The following TTC29 variants were observed in gnomAD, a reference collection of about 807,000 sequenced individuals.
TTC29 encodes the protein tetratricopeptide repeat protein 29.
TTC29 carries 49 observed loss-of-function variants against 58.1 expected under a neutral mutation model. The ratio of observed to expected loss-of-function variants is 0.84; its 90% confidence interval spans 0.67 to 1.07. TTC29 has a LOEUF of 1.07. TTC29 is among the 50% of genes least tolerant of loss of function. The pLI, the probability that TTC29 is intolerant of heterozygous loss-of-function variation, is 0.00. For missense variants in TTC29, 582 were observed against 555.6 expected, an observed-to-expected ratio of 1.05 and a Z score of -0.48; for synonymous variants, 209 against 196.8, an observed-to-expected ratio of 1.06 and a Z score of -0.52.
intron 11 of TTC29, among the ~76,000 whole-genome samples, chr4:146,799,210 A>T (rs1750039231): frequency 6.6e-6 from 1 of 152,170 alleles, no homozygotes; most frequent in Admixed American, 6.5e-5. Flanking sequence ...TTATGAAAAC[A>T]TTATTAAAGA....
intron 9 of TTC29, among the ~76,000 whole-genome samples, chr4:146,828,273 A>G (rs1029389965): frequency 2.6e-5 from 4 of 152,140 alleles, no homozygotes; most frequent in Admixed American, 2.0e-4. Flanking sequence ...TGTGAAACTA[A>G]AAGTTATTGA....
At chr4:146,728,817 GTA>G (rs869118760) in intron 11 of TTC29, among the ~76,000 whole-genome samples, 3 of 71,330 alleles carry the variant, frequency 4.2e-5, no homozygotes, top group East Asian at 6.1e-4. Flanking sequence ...ATATATATGT[GTA>G]TATATACATA....
intron 7 of TTC29, among the ~76,000 whole-genome samples, chr4:146,872,911 C>T (rs1465362978): frequency 6.6e-6 from 1 of 152,020 alleles, no homozygotes; most frequent in Non-Finnish European, 1.5e-5. Flanking sequence ...AAGTTGTACA[C>T]AAATGTTCAT....
intron 11 of TTC29, among the ~76,000 whole-genome samples, chr4:146,710,444 G>T (rs1210068970): frequency 6.6e-6 from 1 of 152,146 alleles, no homozygotes; most frequent in African/African-American, 2.4e-5. Context: ...ATTGTGTATG[G>T]CATATATTGT....
chr4:146,841,910 G>A (rs1728874550), intron 8 of TTC29, among the ~76,000 whole-genome samples: 2 of 152,060 alleles, frequency 1.3e-5, no homozygotes, highest in Non-Finnish European at 2.9e-5. Flanking sequence ...ATAAGATTAG[G>A]TATGTAAAAG....
At chr4:146,806,681 G>A (rs999525479) in intron 10 of TTC29, among the ~76,000 whole-genome samples, 4 of 151,244 alleles carry the variant, frequency 2.6e-5, no homozygotes, top group Non-Finnish European at 5.9e-5. Context: ...GAAGCAAGAA[G>A]AGCTAACTAG....
intron 11 of TTC29, among the ~76,000 whole-genome samples, chr4:146,717,277 A>G (rs1294323826): frequency 1.3e-5 from 2 of 152,012 alleles, no homozygotes; most frequent in Non-Finnish European, 2.9e-5. Flanking sequence ...GGTTATTATT[A>G]TTAGTAGTAG....
At chr4:146,879,918 T>C (rs1002139130) in intron 6 of TTC29, among the ~76,000 whole-genome samples, 3 of 152,276 alleles carry the variant, frequency 2.0e-5, no homozygotes, top group Admixed American at 6.5e-5. Flanking sequence ...AGTTTTATCA[T>C]GGTGCACCAG....
intron 9 of TTC29, among the ~76,000 whole-genome samples, chr4:146,824,748 T>C (rs1018571930): frequency 6.6e-6 from 1 of 152,054 alleles, no homozygotes; most frequent in East Asian, 1.9e-4. Context: ...TTTTTGGTTG[T>C]TAGGCTATTA....
intron 8 of TTC29, among the ~76,000 whole-genome samples, chr4:146,865,870 A>G (rs1034501370): frequency 6.6e-6 from 1 of 152,156 alleles, no homozygotes; most frequent in African/African-American, 2.4e-5. Flanking sequence ...TACATCTTAA[A>G]TAGATGCAAT....
chr4:146,911,538 T>C (rs1312276533), intron 4 of TTC29, among the ~76,000 whole-genome samples: 1 of 152,198 alleles, frequency 6.6e-6, no homozygotes, highest in Non-Finnish European at 1.5e-5. Context: ...GAAACTTGTC[T>C]CACAGTGCTG....
At chr4:146,793,021 T>C (rs1378874853) in intron 11 of TTC29, among the ~76,000 whole-genome samples, 1 of 152,176 alleles carries the variant, frequency 6.6e-6, no homozygotes, top group Non-Finnish European at 1.5e-5. Flanking sequence ...ATAATCAAAC[T>C]TGAATAAATG....
chr4:146,860,366 T>C (rs532208353), intron 8 of TTC29, among the ~76,000 whole-genome samples: 1 of 152,268 alleles, frequency 6.6e-6, no homozygotes, highest in South Asian at 2.1e-4. Context: ...TATATTATTT[T>C]ACACACATGA....
intron 3 of TTC29, 151 bp downstream of exon 3, chr4:146,939,653 C>G (rs1736176641): frequency 1.5e-6 from 1 of 682,430 alleles, no homozygotes; most frequent in African/African-American, 1.9e-5. Flanking sequence ...TTCATAAATC[C>G]TTTTGAAACA....
chr4:146,939,700 T>G (rs576373246), intron 3 of TTC29, 104 bp downstream of exon 3: 1 of 1,094,250 alleles, frequency 9.1e-7, no homozygotes, highest in South Asian at 1.6e-5. Flanking sequence ...AAGGCATTTT[T>G]CTCTTCTCTT....
chr4:146,876,025 A>C (rs1421208011), intron 6 of TTC29, among the ~76,000 whole-genome samples: 1 of 152,136 alleles, frequency 6.6e-6, no homozygotes, highest in Admixed American at 6.6e-5. Flanking sequence ...ATATCTAGGC[A>C]CTCCAACCAT....
intron 6 of TTC29, among the ~76,000 whole-genome samples, chr4:146,887,042 G>GT (rs1158602319): frequency 6.6e-6 from 1 of 152,150 alleles, no homozygotes; most frequent in Admixed American, 6.6e-5. Context: ...TAGAATGGTA[G>GT]TTGCCAGGGG....
intron 4 of TTC29, chr4:146,934,061 G>A (rs932137527): frequency 6.6e-6 from 1 of 152,306 alleles, no homozygotes; most frequent in African/African-American, 2.4e-5. Flanking sequence ...GTAAAGTCCA[G>A]ACCATGCACA....
intron 4 of TTC29, among the ~76,000 whole-genome samples, chr4:146,922,998 T>C (rs185448084): frequency 8.6e-5 from 13 of 151,992 alleles, no homozygotes; most frequent in Admixed American, 6.6e-4. Context: ...CTGTTTTACA[T>C]GGGAGTTCTA....
Sources: gnomAD v4.1 joint callset for allele counts (sites outside exome capture counted in the v4.1 genomes callset) on GRCh38, gnomAD v4.1.1 for gene constraint, MANE v1.5 for transcripts, NCBI Gene and HGNC (gene_info 2026-07-23, HGNC 2026-07-21) for gene names.